Variants in ORC3 observed in about 807,000 individuals in gnomAD.
The protein encoded by ORC3 is homolog of latheo, Drosophila.
ORC3 carries 78 observed loss-of-function variants against 100.7 expected under a neutral mutation model. That is an observed-to-expected ratio of 0.77 (90% CI 0.65 to 0.94). The LOEUF (loss-of-function observed/expected upper bound fraction) is 0.94, where lower values mean the gene tolerates loss of function less well. ORC3 is among the 40% of genes least tolerant of loss of function. The pLI, the probability that ORC3 is intolerant of heterozygous loss-of-function variation, is 0.00. For synonymous variants in ORC3, 295 were observed against 289.3 expected, an observed-to-expected ratio of 1.02 and a Z score of -0.20; for missense variants, 789 against 823.9, an observed-to-expected ratio of 0.96 and a Z score of 0.52.
intron 17 of ORC3, 85 bp from the exon 18 acceptor site, chr6:87,664,658 T>A (rs1304408786): frequency 9.7e-7 from 1 of 1,031,374 alleles, no homozygotes; most frequent in Non-Finnish European, 1.5e-6. Context: ...GTTTACTCAG[T>A]TTAGGTTGGG....
chr6:87,628,100 G>A (rs1780054571), intron 11 of ORC3, among the ~76,000 whole-genome samples: 1 of 152,176 alleles, frequency 6.6e-6, no homozygotes, highest in African/African-American at 2.4e-5. Context: ...TAAAAATTTA[G>A]CTGACTAAAA....
At chr6:87,598,277 C>T (rs910992627) in intron 2 of ORC3, among the ~76,000 whole-genome samples, 4 of 152,174 alleles carry the variant, frequency 2.6e-5, no homozygotes, top group Non-Finnish European at 5.9e-5. Context: ...CCTGCCTTGG[C>T]CTCCCAAAGC....
In ORC3 at chr6:87,656,969, A is replaced by G. The variant is rs1236615395; in HGVS notation, c.1580A>G (p.Tyr527Cys). ...QPKGLQKTDL[Y>C]HLQKSLLEMK... is the part of the protein sequence containing the mutation. ...AAGGGGCTTCAGAAGACAGACCTCTATCATCTTCAGAAGGTCAGGTCACTC... is the reference window on the plus strand; with the variant it reads ...AAGGGGCTTCAGAAGACAGACCTCTGTCATCTTCAGAAGGTCAGGTCACTC... The change falls in exon 15 of 20, where the codon TAT becomes TGT. Residue 527 changes from tyrosine (Y) to cysteine (C), a missense_variant. Coordinates refer to ENST00000392844, the MANE Select transcript of ORC3 (RefSeq NM_012381.4). 1.9e-6 allele frequency: 3 copies of G among 1,608,822 alleles called. No individual in the cohort carries two copies. Among genetic ancestry groups the G allele is most frequent in the Non-Finnish European group, 1.7e-6 (2 of 1,175,280 alleles).
intron 14 of ORC3, among the ~76,000 whole-genome samples, chr6:87,654,625 A>C (rs1769527938): frequency 6.6e-6 from 1 of 152,194 alleles, no homozygotes; most frequent in Non-Finnish European, 1.5e-5. Context: ...TCACGATATA[A>C]ATACGCCCTA....
At chr6:87,640,090 C>A (rs2128281093) in intron 13 of ORC3, among the ~76,000 whole-genome samples, 1 of 152,180 alleles carries the variant, frequency 6.6e-6, no homozygotes, top group Non-Finnish European at 1.5e-5. Context: ...CATGCCTTTT[C>A]TTTAGTGGTG....
In ORC3 at chr6:87,667,011, C is replaced by A; in HGVS notation, c.2031-7C>A. The stretch of plus-strand genomic sequence containing the variant: ...GCACGGCCAGTTTCCTTAATTAAAG[C>A]CTCCAGTGCTCGGTTTATTAGAGCT... On this transcript the variant is annotated splice_region_variant and splice_polypyrimidine_tract_variant and intron_variant, in intron 19 of 19. Transcript: ENST00000392844. 6.4e-7 allele frequency: 1 copy of A among 1,571,878 alleles called. No homozygotes were observed. The highest frequency in any genetic ancestry group is 8.6e-7 in the Non-Finnish European group (1 of 1,156,420).
At chr6:87,605,816 T>G in intron 4 of ORC3, 101 bp from the exon 5 acceptor site, 2 of 645,332 alleles carry the variant, frequency 3.1e-6, no homozygotes, top group Non-Finnish European at 5.4e-6. Flanking sequence ...TTAATCATTT[T>G]TTAAATGTTT....
rs1019897604 is a variant in ORC3 at position 87,606,080 on chromosome 6, TTCTC to T, written c.427+63_427+66del. ...GATGTTACAGACTTCTTTCATCCTTTTCTCTCTTTTTCAGGCTTTCTTTATCCCT... is the reference window on the plus strand; with the variant it reads ...GATGTTACAGACTTCTTTCATCCTTTTCTTTTTCAGGCTTTCTTTATCCCT... On this transcript the variant is annotated intron_variant, in intron 5 of 19. Coordinates refer to ENST00000392844, the MANE Select transcript of ORC3 (RefSeq NM_012381.4). 6 of 937,364 alleles carry T rather than the reference TTCTC, an allele frequency of 6.4e-6. No individual in the cohort carries two copies. In the African/African-American group the frequency reaches 9.9e-5, roughly 15 times the overall value. The allele number at this position is 937,364 out of a possible 1,614,324, so 58.1% of individuals were successfully genotyped here.
chr6:87,676,013 A>G, the ORC3 span: 2 of 1,167,952 alleles, frequency 1.7e-6, no homozygotes, highest in Admixed American at 2.1e-5. Flanking sequence ...AATATACAGT[A>G]AAACAATTCT....
chr6:87,621,552 A>T, intron 10 of ORC3, 65 bp downstream of exon 10: 1 of 1,067,106 alleles, frequency 9.4e-7, no homozygotes, highest in Non-Finnish European at 1.3e-6. Flanking sequence ...AAGAGATCTC[A>T]GATCCAGTTA....
intron 8 of ORC3, 98 bp downstream of exon 8, chr6:87,612,346 CTG>C (rs1778837611): frequency 1.5e-6 from 1 of 680,622 alleles, no homozygotes; most frequent in African/African-American, 1.8e-5. Flanking sequence ...CTACAACTCT[CTG>C]AGTACTATAT....
chr6:87,674,224 C>G, the ORC3 span, among the ~76,000 whole-genome samples: 1 of 146,394 alleles, frequency 6.8e-6, no homozygotes, highest in Non-Finnish European at 1.5e-5. Context: ...ATCGCTTGAA[C>G]CTGGGAGGCA....
chr6:87,607,369 T>C (rs1004250139), intron 5 of ORC3, among the ~76,000 whole-genome samples: 4 of 151,876 alleles, frequency 2.6e-5, no homozygotes, highest in Admixed American at 6.6e-5. Flanking sequence ...AGGCAGAGGT[T>C]GTATTGAGCC....
chr6:87,663,190 G>T (rs377125049), intron 17 of ORC3, 46 bp downstream of exon 17: 1 of 1,474,666 alleles, frequency 6.8e-7, no homozygotes, highest in Non-Finnish European at 9.4e-7. Context: ...CAGACTCTGG[G>T]CGTCATTGTC....
At chr6:87,627,107 C>T (rs1779961794) in intron 11 of ORC3, among the ~76,000 whole-genome samples, 1 of 151,726 alleles carries the variant, frequency 6.6e-6, no homozygotes, top group South Asian at 2.1e-4. Context: ...AAGAAGTTCT[C>T]CTGCCTCAGC....
intron 11 of ORC3, among the ~76,000 whole-genome samples, chr6:87,628,491 G>C (rs1780083356): frequency 1.3e-5 from 2 of 152,144 alleles, no homozygotes; most frequent in Non-Finnish European, 2.9e-5. Flanking sequence ...TCCCTTGCAG[G>C]TGACAGTTGA....
chr6:87,613,962 A>C (rs1379706701), intron 8 of ORC3, among the ~76,000 whole-genome samples: 1 of 151,350 alleles, frequency 6.6e-6, no homozygotes, highest in Non-Finnish European at 1.5e-5. Flanking sequence ...GGTGTAGAGG[A>C]TGGTAGCCCT....
chr6:87,601,757 AACTG>A lies in ORC3; in HGVS notation c.80-23_80-20del, dbSNP rs778858460. 4.7e-5 allele frequency: 60 copies of A among 1,276,908 alleles called. No individual in the cohort carries two copies. The South Asian group carries it at 7.1e-4, about 15-fold the overall frequency. The allele number at this position is 1,276,908 out of a possible 1,614,324, so 79.1% of individuals were successfully genotyped here. A position where few individuals can be genotyped will look rare whatever the true frequency, so the allele number is the denominator to read the frequency against. ...ACTTATACTATTATATGAAAAAAGA[AACTG>A]ACTTATTTCTTTCTGTTTTTAGAGG... On this transcript the variant is annotated intron_variant, in intron 2 of 19. Coordinates refer to ENST00000392844, the MANE Select transcript of ORC3 (RefSeq NM_012381.4).
chr6:87,605,926 T>C lies in ORC3; in HGVS notation c.332T>C (p.Val111Ala). The C allele has an allele frequency of 6.3e-7, 1 of 1,579,306 alleles. No individual in the cohort carries two copies. The change falls in exon 5 of 20, where the codon GTC becomes GCC. Residue 111 changes from valine (V) to alanine (A), a missense_variant. By Grantham distance (64) the Val-to-Ala change is moderately conservative (BLOSUM62 0). Coordinates refer to ENST00000392844, the MANE Select transcript of ORC3 (RefSeq NM_012381.4). ...PTAALVLGVN[V>A]TDHDLTFGSL... ...ATGTATTATCTCATAGGTGTGAATG[T>C]CACAGATCATGATTTGACATTCGGA...
Sources: gnomAD v4.1 joint callset for allele counts (sites outside exome capture counted in the v4.1 genomes callset) on GRCh38, gnomAD v4.1.1 for gene constraint, MANE v1.5 for transcripts, NCBI Gene and HGNC (gene_info 2026-07-23, HGNC 2026-07-21) for gene names.